CTNNA3: variants seen among roughly 807,000 people sequenced by gnomAD.
CTNNA3 encodes catenin alpha 3, also known as catenin alpha-3.
In CTNNA3, 76 loss-of-function variants were observed where a neutral mutation model predicts 95.7. The ratio of observed to expected loss-of-function variants is 0.79; its 90% CI spans 0.66 to 0.96. CTNNA3 has a LOEUF of 0.96. CTNNA3 is among the 40% of genes least tolerant of loss of function. CTNNA3 has a pLI of 0.00. For synonymous variants in CTNNA3, 431 were observed against 374.4 expected, an observed-to-expected ratio of 1.15 and a Z score of -1.74; for missense variants, 1,191 against 1,089.8, an observed-to-expected ratio of 1.09 and a Z score of -1.31.
chr10:67,394,502 T>C (rs889760134), intron 5 of CTNNA3, among the ~76,000 whole-genome samples: 20 of 152,086 alleles, frequency 1.3e-4, no homozygotes, highest in Non-Finnish European at 2.6e-4. Flanking sequence ...AGAGTTACCT[T>C]TTTACAAAGA....
chr10:67,048,917 C>T (rs1180266975), intron 7 of CTNNA3, among the ~76,000 whole-genome samples: 1 of 152,036 alleles, frequency 6.6e-6, no homozygotes. Flanking sequence ...ACTCATACAA[C>T]TAGTCATTCC....
At chr10:67,505,593 T>C (rs1839404998) in intron 5 of CTNNA3, among the ~76,000 whole-genome samples, 1 of 152,330 alleles carries the variant, frequency 6.6e-6, no homozygotes, top group African/African-American at 2.4e-5. Flanking sequence ...AAACAAAATA[T>C]GTAACTTAAA....
intron 12 of CTNNA3, among the ~76,000 whole-genome samples, chr10:66,315,483 G>A (rs1265414766): frequency 6.7e-6 from 1 of 149,478 alleles, no homozygotes; most frequent in East Asian, 2.0e-4. Flanking sequence ...CAGAGGCAAG[G>A]GGCTCTAAAA....
chr10:67,331,203 C>A (rs939807727), intron 5 of CTNNA3, among the ~76,000 whole-genome samples: 1 of 152,114 alleles, frequency 6.6e-6, no homozygotes, highest in South Asian at 2.1e-4. Context: ...ATTTCCCAGT[C>A]TTCTAATGTT....
intron 17 of CTNNA3, 138 bp downstream of exon 17, chr10:65,966,474 T>C (rs1252119824): frequency 1.7e-6 from 1 of 598,758 alleles, no homozygotes; most frequent in African/African-American, 1.9e-5. Flanking sequence ...TTTAAATACA[T>C]GTACTTTTAA....
At chr10:66,569,876 A>G (rs1384378768) in intron 10 of CTNNA3, among the ~76,000 whole-genome samples, 2 of 152,184 alleles carry the variant, frequency 1.3e-5, no homozygotes, top group African/African-American at 4.8e-5. Context: ...AGTTGATTCA[A>G]AAGGCAGAGC....
chr10:66,725,017 C>T (rs1848738006), intron 9 of CTNNA3, among the ~76,000 whole-genome samples: 2 of 152,054 alleles, frequency 1.3e-5, no homozygotes, highest in African/African-American at 2.4e-5. Context: ...ATGCACAAAA[C>T]CTATGCACAT....
chr10:67,013,768 C>T (rs989382404), intron 7 of CTNNA3, among the ~76,000 whole-genome samples: 1 of 152,012 alleles, frequency 6.6e-6, no homozygotes, highest in Admixed American at 6.6e-5. Flanking sequence ...GATGTAATAT[C>T]CTGGAAGTTT....
intron 15 of CTNNA3, among the ~76,000 whole-genome samples, chr10:66,063,452 C>T (rs1461441760): frequency 2.6e-5 from 4 of 151,294 alleles, no homozygotes; most frequent in Non-Finnish European, 4.4e-5. Flanking sequence ...CAAATAGAAG[C>T]TGTTAGGTAT....
chr10:67,526,502 A>T (rs1840150854), intron 4 of CTNNA3, among the ~76,000 whole-genome samples: 1 of 152,192 alleles, frequency 6.6e-6, no homozygotes, highest in Admixed American at 6.5e-5. Context: ...TATGCCATTT[A>T]ATAACTGCAT....
In CTNNA3 at chr10:67,266,790, A is replaced by C. The variant is rs77175990; in HGVS notation, c.580-46920T>G. Reference sequence around the variant, plus strand: ...AACAACATATTGCATAGTTCAAAATAACTAAGAGAGTAAACTTCAAATGTA... The same window carrying C: ...AACAACATATTGCATAGTTCAAAATCACTAAGAGAGTAAACTTCAAATGTA... On this transcript the variant is annotated intron_variant, in intron 5 of 17. Coordinates refer to ENST00000433211, the MANE Select transcript of CTNNA3 (RefSeq NM_013266.4). Among the ~76,000 whole-genome samples, 1,432 of 152,312 alleles carry C rather than the reference A, an allele frequency of 9.4e-3. 9 individuals are homozygous for C. The highest frequency in any genetic ancestry group is 0.013 in the Admixed American group (202 of 15,296).
chr10:67,538,821 C>T (rs1181850410), intron 4 of CTNNA3, among the ~76,000 whole-genome samples: 1 of 152,106 alleles, frequency 6.6e-6, no homozygotes, highest in Non-Finnish European at 1.5e-5. Flanking sequence ...GAGTTCTTTG[C>T]AACCTTTTCA....
rs555606981 is a variant in CTNNA3, at chr10:67,251,781, C to T, written c.580-31911G>A. 2.0e-5 allele frequency among the ~76,000 whole-genome samples: 3 copies of T among 152,176 alleles called. No homozygotes were observed. The South Asian group carries it at 6.2e-4, about 32-fold the overall frequency. On this transcript the variant is annotated intron_variant, in intron 5 of 17. Transcript: ENST00000433211. ...AGAATTTGCCATCGTATGGTCAGGTCACAACAGTAAGGAATTCAAGATTTG... is the reference window on the plus strand; with the variant it reads ...AGAATTTGCCATCGTATGGTCAGGTTACAACAGTAAGGAATTCAAGATTTG...
intron 16 of CTNNA3, among the ~76,000 whole-genome samples, chr10:65,967,092 G>T (rs1186518489): frequency 6.6e-6 from 1 of 151,936 alleles, no homozygotes; most frequent in Admixed American, 6.6e-5. Flanking sequence ...GGGTAGCTGT[G>T]ACTACAGGCA....
intron 13 of CTNNA3, among the ~76,000 whole-genome samples, chr10:66,276,009 G>C (rs1465277240): frequency 6.6e-6 from 1 of 152,108 alleles, no homozygotes; most frequent in Non-Finnish European, 1.5e-5. Context: ...ATATTGGACT[G>C]TGTCCCAATT....
chr10:66,850,038 A>C (rs569126136), intron 7 of CTNNA3, among the ~76,000 whole-genome samples: 5 of 152,330 alleles, frequency 3.3e-5, no homozygotes, highest in Non-Finnish European at 7.4e-5. Flanking sequence ...GTCAATGTAA[A>C]AATTTACACA....
chr10:67,231,505 C>T (rs914610029), intron 5 of CTNNA3, among the ~76,000 whole-genome samples: 8 of 152,128 alleles, frequency 5.3e-5, no homozygotes, highest in Admixed American at 1.3e-4. Flanking sequence ...AAAGGACATC[C>T]ACACCAAAAA....
At chr10:67,448,793 A>G (rs1009220239) in intron 5 of CTNNA3, among the ~76,000 whole-genome samples, 18 of 149,668 alleles carry the variant, frequency 1.2e-4, no homozygotes, top group African/African-American at 4.1e-4. Flanking sequence ...AAAACTTGAT[A>G]AAAAATTACT....
At chr10:66,787,245 T>C (rs572810596) in intron 7 of CTNNA3, among the ~76,000 whole-genome samples, 1 of 152,108 alleles carries the variant, frequency 6.6e-6, no homozygotes, top group East Asian at 1.9e-4. Context: ...GATGTGTTGA[T>C]GTCTCGATCA....
Sources: gnomAD v4.1 joint callset for allele counts (sites outside exome capture counted in the v4.1 genomes callset) on GRCh38, gnomAD v4.1.1 for gene constraint, MANE v1.5 for transcripts, NCBI Gene and HGNC (gene_info 2026-07-23, HGNC 2026-07-21) for gene names.